Variants in STK39 observed in about 807,000 individuals in gnomAD.
STK39 encodes the protein serine/threonine kinase 39, also known as STE20/SPS1-related proline-alanine-rich protein kinase.
A neutral mutation model predicts 77.8 loss-of-function variants in STK39; 20 were observed. That is an observed-to-expected ratio of 0.26 (90% CI 0.18 to 0.37). The LOEUF is 0.37. STK39 is among the 10% of genes least tolerant of loss of function. The probability of loss-of-function intolerance (pLI) is 1.00; values close to 1 mark genes in which losing one functional copy is unlikely to be tolerated. For missense variants in STK39, 479 were observed against 656.5 expected (o/e 0.73, Z 2.95); for synonymous variants, 246 against 234.1 (o/e 1.05, Z -0.47).
At chr2:168,234,186 G>A (rs972360422) in intron 1 of STK39, among the ~76,000 whole-genome samples, 10 of 152,136 alleles carry the variant, frequency 6.6e-5, no homozygotes, top group Non-Finnish European at 1.5e-4. Context: ...ACAGTATTTA[G>A]CCAGTCTTTG....
At chr2:168,227,618 T>A (rs992916628) in intron 1 of STK39, among the ~76,000 whole-genome samples, 2 of 152,200 alleles carry the variant, frequency 1.3e-5, no homozygotes, top group African/African-American at 4.8e-5. Context: ...AGTAAGAAAG[T>A]TACTGACTCT....
At chr2:167,983,256 G>A (rs1041231055) in intron 16 of STK39, among the ~76,000 whole-genome samples, 3 of 151,960 alleles carry the variant, frequency 2.0e-5, no homozygotes, top group African/African-American at 7.3e-5. Flanking sequence ...GAGGCGGGTG[G>A]ATCACCTGAG....
At chr2:168,126,846 A>C (rs1449861690) in intron 10 of STK39, among the ~76,000 whole-genome samples, 1 of 152,174 alleles carries the variant, frequency 6.6e-6, no homozygotes, top group Non-Finnish European at 1.5e-5. Flanking sequence ...CAATATTATG[A>C]AACTAGAGAG....
chr2:168,236,067 A>T (rs1204549666), intron 1 of STK39, among the ~76,000 whole-genome samples: 3 of 151,780 alleles, frequency 2.0e-5, no homozygotes, highest in African/African-American at 7.2e-5. Flanking sequence ...TTACAGTCCC[A>T]CCAACAGTGT....
chr2:168,052,984 C>T (rs1685435706), intron 14 of STK39, among the ~76,000 whole-genome samples: 1 of 152,204 alleles, frequency 6.6e-6, no homozygotes, highest in African/African-American at 2.4e-5. Flanking sequence ...GAGCCAGAAC[C>T]AGCTCCTAAG....
intron 10 of STK39, among the ~76,000 whole-genome samples, chr2:168,109,191 T>C (rs1015605107): frequency 2.9e-4 from 44 of 152,192 alleles, no homozygotes; most frequent in African/African-American, 1.1e-3. Flanking sequence ...ACACCCAACT[T>C]AAAATATTGC....
intron 16 of STK39, among the ~76,000 whole-genome samples, chr2:167,970,320 T>C (rs866022675): frequency 4.6e-5 from 7 of 152,210 alleles, no homozygotes; most frequent in Non-Finnish European, 1.0e-4. Context: ...TGTTCACTAC[T>C]ATGCTCCCAG....
intron 10 of STK39, among the ~76,000 whole-genome samples, chr2:168,123,052 A>T (rs1687449311): frequency 6.6e-6 from 1 of 152,228 alleles, no homozygotes; most frequent in African/African-American, 2.4e-5. Flanking sequence ...TCTTAATATG[A>T]TACAGAGAAG....
At position 168,141,955 on chromosome 2, in the gene STK39, T is replaced by C. The variant is rs558830865; in HGVS notation, c.629-1197A>G. ...CATTGAATGTTGCATTTTATTTATA[T>C]TTAAATTTACTCATACTCCCAACAG... On this transcript the variant is annotated intron_variant, in intron 5 of 17. Transcript: ENST00000355999. Among the ~76,000 whole-genome samples, 366 of 152,314 alleles carry C rather than the reference T, an allele frequency of 2.4e-3. 2 individuals carry two copies. Among genetic ancestry groups the C allele is most frequent in the African/African-American group, 8.3e-3 (345 of 41,564 alleles).
At chr2:168,100,431 T>A (rs1421781199) in intron 10 of STK39, among the ~76,000 whole-genome samples, 1 of 152,058 alleles carries the variant, frequency 6.6e-6, no homozygotes, top group African/African-American at 2.4e-5. Flanking sequence ...TTTATTTATT[T>A]AGTTAGTTAG....
chr2:168,188,625 T>C (rs1365444251), intron 1 of STK39, among the ~76,000 whole-genome samples: 1 of 152,246 alleles, frequency 6.6e-6, no homozygotes, highest in Non-Finnish European at 1.5e-5. Context: ...TCATGTCATA[T>C]GGTTCAACAT....
intron 16 of STK39, among the ~76,000 whole-genome samples, chr2:167,968,277 C>G (rs1211746117): frequency 6.6e-6 from 1 of 152,136 alleles, no homozygotes; most frequent in Non-Finnish European, 1.5e-5. Flanking sequence ...TTTGGTAGAG[C>G]AATTTATTTT....
intron 17 of STK39, among the ~76,000 whole-genome samples, chr2:167,956,696 A>ACACACACACT (rs776309488): frequency 2.0e-5 from 1 of 48,996 alleles, no homozygotes; most frequent in African/African-American, 8.0e-5. Context: ...ACACACACAC[A>ACACACACACT]CTCTCTCTCT....
rs1170709569 is a variant in STK39, at chr2:167,967,225, T to A, written c.1499-2499A>T. Among the ~76,000 whole-genome samples the A allele has an allele frequency of 2.0e-5, 3 of 152,338 alleles. No individual in the cohort carries two copies. The East Asian group carries it at 5.8e-4, about 29-fold the overall frequency. Reference sequence around the variant, plus strand: ...CCCTCTTGGTTTTCCCAAATAAAACTCATGCCCCTTGGTTTCTGCAGCAGA... The same window carrying A: ...CCCTCTTGGTTTTCCCAAATAAAACACATGCCCCTTGGTTTCTGCAGCAGA... On this transcript the variant is annotated intron_variant, in intron 16 of 17. Coordinates refer to ENST00000355999, the MANE Select transcript of STK39 (RefSeq NM_013233.3).
intron 1 of STK39, among the ~76,000 whole-genome samples, chr2:168,243,199 A>T (rs1283093375): frequency 6.6e-6 from 1 of 152,162 alleles, no homozygotes; most frequent in Non-Finnish European, 1.5e-5. Flanking sequence ...ATAAAAACCA[A>T]TTCTAACCCC....
chr2:168,208,440 G>A (rs905850278), intron 1 of STK39, among the ~76,000 whole-genome samples: 1 of 152,088 alleles, frequency 6.6e-6, no homozygotes, highest in Non-Finnish European at 1.5e-5. Flanking sequence ...TTTAGTCCAG[G>A]GTAGCATATT....
intron 16 of STK39, among the ~76,000 whole-genome samples, chr2:167,994,494 T>C (rs1334642382): frequency 6.6e-6 from 1 of 152,192 alleles, no homozygotes; most frequent in Non-Finnish European, 1.5e-5. Context: ...TTTAGTGGCA[T>C]TTAGCATATT....
In STK39 at chr2:168,015,062, G is replaced by C. The variant is rs1684371653; in HGVS notation, c.1429+1981C>G. ...GTGCCATTAGGCAATTATTTTGTATGCATGTAAGTAAGATACTAGTAATAG... is the reference window on the plus strand; with the variant it reads ...GTGCCATTAGGCAATTATTTTGTATCCATGTAAGTAAGATACTAGTAATAG... On this transcript the variant is annotated intron_variant, in intron 15 of 17. Coordinates refer to ENST00000355999, the MANE Select transcript of STK39 (RefSeq NM_013233.3). Among the ~76,000 whole-genome samples the C allele has an allele frequency of 3.3e-5, 5 of 152,332 alleles. No homozygotes were observed. The South Asian group carries it at 1.0e-3, about 32-fold the overall frequency.
chr2:168,007,914 T>G (rs1415922615), intron 16 of STK39, among the ~76,000 whole-genome samples: 1 of 152,172 alleles, frequency 6.6e-6, no homozygotes, highest in African/African-American at 2.4e-5. Flanking sequence ...TATTATAAAG[T>G]TTGCCCCTTT....
Sources: allele counts gnomAD v4.1 joint callset (sites outside exome capture counted in the v4.1 genomes callset), GRCh38; gene constraint gnomAD v4.1.1; transcripts MANE v1.5; gene names NCBI Gene and HGNC (gene_info 2026-07-23, HGNC 2026-07-21).